TMEM276: variants seen among roughly 807,000 people sequenced by gnomAD.
TMEM276 encodes the protein transmembrane protein 276.
the TMEM276 span, chr8:144,466,914 A>C: frequency 6.4e-7 from 1 of 1,569,062 alleles, no homozygotes; most frequent in East Asian, 2.3e-5. Flanking sequence ...GCCTGGCTCA[A>C]GCACGTGACC....
At chr8:144,464,280 C>A in the TMEM276 span, 1 of 1,613,310 alleles carries the variant, frequency 6.2e-7, no homozygotes, top group Non-Finnish European at 8.5e-7. Context: ...GCATCGCCCC[C>A]CCCCACATCC....
chr8:144,465,168 G>A, the TMEM276 span: 2 of 1,349,570 alleles, frequency 1.5e-6, no homozygotes, highest in Non-Finnish European at 9.7e-7. Flanking sequence ...TGGGGGGAAC[G>A]TCAGCCCTGG....
At chr8:144,465,029 C>T in the TMEM276 span, 4 of 1,535,916 alleles carry the variant, frequency 2.6e-6, no homozygotes, top group South Asian at 2.4e-5. Context: ...GGTTCCAGGT[C>T]CCCATTACTG....
the TMEM276 span, chr8:144,466,752 C>A: frequency 6.1e-4 from 936 of 1,525,848 alleles, no homozygotes; most frequent in Non-Finnish European, 7.9e-4. Flanking sequence ...CCCCTGCCCC[C>A]TCCCTAGAGA....
chr8:144,465,048 GAGA>G, the TMEM276 span: 1 of 1,534,022 alleles, frequency 6.5e-7, no homozygotes, highest in Non-Finnish European at 8.7e-7. Context: ...TGGATGTTAG[GAGA>G]AGTTCAGTCC....
chr8:144,463,952 G>A, the TMEM276 span: 3 of 1,485,120 alleles, frequency 2.0e-6, no homozygotes, highest in African/African-American at 1.4e-5. Context: ...GTCTAGACAA[G>A]TCCCCACACG....
chr8:144,465,130 A>C, the TMEM276 span: 32 of 1,414,346 alleles, frequency 2.3e-5, no homozygotes, highest in East Asian at 2.8e-5. Flanking sequence ...CAGCCGGGAA[A>C]CGGGGGAAAA....
the TMEM276 span, chr8:144,466,513 G>C: frequency 7.8e-7 from 1 of 1,281,466 alleles, no homozygotes; most frequent in Non-Finnish European, 9.9e-7. Flanking sequence ...CGGGGACCCC[G>C]CCCAGGTGAG....
chr8:144,466,053 G>A, the TMEM276 span: 2 of 149,208 alleles, frequency 1.3e-5, no homozygotes, highest in Admixed American at 6.7e-5. Context: ...GGGGCTGTAG[G>A]GAGAGGAAGG....
the TMEM276 span, chr8:144,464,508 C>G: frequency 9.9e-6 from 16 of 1,612,120 alleles, no homozygotes; most frequent in African/African-American, 1.3e-5. Context: ...CGGTGGCCAC[C>G]CAGGCTCCAG....
the TMEM276 span, chr8:144,464,569 G>A: frequency 1.2e-6 from 2 of 1,611,106 alleles, no homozygotes; most frequent in Non-Finnish European, 1.7e-6. Context: ...GGTGGTGGCA[G>A]CCAAGACCTG....
chr8:144,464,961 G>T, the TMEM276 span: 1 of 1,587,636 alleles, frequency 6.3e-7, no homozygotes, highest in East Asian at 2.3e-5. Flanking sequence ...CTTTGGAGAG[G>T]AAGGAAGCGC....
the TMEM276 span, chr8:144,466,009 GGGCGGGGCTGAGA>G: frequency 2.0e-3 from 2 of 1,018 alleles, no homozygotes; most frequent in Non-Finnish European, 0.022. Context: ...GGGGGGGTCT[GGGCGGGGCTGAGA>G]TGGGCGGGGC....
At chr8:144,464,040 T>C in the TMEM276 span, 1 of 1,539,698 alleles carries the variant, frequency 6.5e-7, no homozygotes, top group Non-Finnish European at 8.7e-7. Context: ...CAGAAGAGTC[T>C]ACCCCTAGGG....
At chr8:144,465,491 A>C in the TMEM276 span, 25 of 949,864 alleles carry the variant, frequency 2.6e-5, no homozygotes, top group Admixed American at 2.6e-4. Flanking sequence ...CACCAGCGAG[A>C]GGAGCGGAGG....
At chr8:144,464,236 TC>T in the TMEM276 span, 4 of 1,612,498 alleles carry the variant, frequency 2.5e-6, no homozygotes, top group Non-Finnish European at 3.4e-6. Context: ...CAGCCTGTCC[TC>T]CTCCAGCCGG....
At chr8:144,466,532 G>T in the TMEM276 span, 1 of 1,218,860 alleles carries the variant, frequency 8.2e-7, no homozygotes, top group South Asian at 2.7e-5. Context: ...AGCGGGGCTG[G>T]CCGTGCAGCC....
the TMEM276 span, chr8:144,466,741 G>C: frequency 6.6e-7 from 1 of 1,508,384 alleles, no homozygotes; most frequent in South Asian, 1.2e-5. Flanking sequence ...CCTCAGGGGC[G>C]CCCCTGCCCC....
chr8:144,466,923 C>T, the TMEM276 span: 15 of 1,575,212 alleles, frequency 9.5e-6, no homozygotes, highest in Admixed American at 2.4e-4. Flanking sequence ...AAGCACGTGA[C>T]CCGAAATGTC....
Sources: allele counts gnomAD v4.1 joint callset, GRCh38; gene constraint gnomAD v4.1.1; transcripts MANE v1.5; gene names NCBI Gene and HGNC (gene_info 2026-07-23, HGNC 2026-07-21).